Variants in CFAP299 observed in about 807,000 individuals in gnomAD.
CFAP299 encodes cilia and flagella associated protein 299.
CFAP299 carries 21 observed loss-of-function variants against 27.0 expected under a neutral mutation model. The ratio of observed to expected loss-of-function variants is 0.78; its 90% CI spans 0.55 to 1.12. The LOEUF (loss-of-function observed/expected upper bound fraction) is 1.12. Ranked by LOEUF, CFAP299 falls within the 50% of genes most tolerant of loss-of-function variation. The pLI is 0.00. For missense variants in CFAP299, 310 were observed against 276.6 expected, an observed-to-expected ratio of 1.12 and a Z score of -0.86; for synonymous variants, 104 against 98.1, an observed-to-expected ratio of 1.06 and a Z score of -0.36.
At chr4:80,360,079 G>A (rs1194109426) in intron 1 of CFAP299, among the ~76,000 whole-genome samples, 19 of 152,176 alleles carry the variant, frequency 1.2e-4, no homozygotes, top group Admixed American at 1.2e-3. Flanking sequence ...TTCATTTCTG[G>A]GAGATTTTAG....
intron 3 of CFAP299, among the ~76,000 whole-genome samples, chr4:80,643,904 C>T (rs1739850456): frequency 6.6e-6 from 1 of 152,096 alleles, no homozygotes; most frequent in Non-Finnish European, 1.5e-5. Flanking sequence ...TTTTCACAGA[C>T]ATTTACAACA....
chr4:80,424,698 C>CA (rs1727452881), intron 2 of CFAP299, among the ~76,000 whole-genome samples: 1 of 152,140 alleles, frequency 6.6e-6, no homozygotes, highest in Admixed American at 6.5e-5. Flanking sequence ...CATGAAGACA[C>CA]AGTTTCTGGA....
At chr4:80,812,177 G>T (rs139138124) in intron 3 of CFAP299, among the ~76,000 whole-genome samples, 211 of 152,180 alleles carry the variant, frequency 1.4e-3, no homozygotes, top group African/African-American at 4.9e-3. Context: ...ATACTCAGGA[G>T]GATAGGTTGA....
At chr4:80,882,274 G>A (rs943372523) in intron 4 of CFAP299, among the ~76,000 whole-genome samples, 6 of 152,138 alleles carry the variant, frequency 3.9e-5, no homozygotes, top group Non-Finnish European at 8.8e-5. Context: ...CAAATAGGTT[G>A]AATTTAAAGA....
At position 80,583,696 on chromosome 4, in the gene CFAP299, T is replaced by C. The variant is rs1736288182; in HGVS notation, c.333+513T>C. 2.6e-5 allele frequency among the ~76,000 whole-genome samples: 4 copies of C among 152,108 alleles called. No homozygotes were observed. In the South Asian group the frequency reaches 8.3e-4, roughly 32 times the overall value. On this transcript the variant is annotated intron_variant, in intron 3 of 5. Transcript: ENST00000358105. ...TTTTACTTTATTAAAATGTGTGCTA[T>C]ATCAAATATGTAGAGAATGCGAATA...
chr4:80,506,272 T>G (rs973435845), intron 2 of CFAP299, among the ~76,000 whole-genome samples: 1 of 152,134 alleles, frequency 6.6e-6, no homozygotes, highest in Non-Finnish European at 1.5e-5. Flanking sequence ...CAGGACTATT[T>G]GAAACAGATA....
chr4:80,913,788 G>T (rs909567800), intron 4 of CFAP299, among the ~76,000 whole-genome samples: 1 of 152,108 alleles, frequency 6.6e-6, no homozygotes, highest in Non-Finnish European at 1.5e-5. Flanking sequence ...TCTACACACC[G>T]CCACAATTAA....
intron 3 of CFAP299, among the ~76,000 whole-genome samples, chr4:80,794,270 A>G (rs900845874): frequency 6.6e-6 from 1 of 152,174 alleles, no homozygotes. Context: ...TGGTGGCAGC[A>G]TTCCTCCTTC....
chr4:80,937,308 C>CTTTTTTTTTTTTTTTT (rs1736948672), intron 4 of CFAP299, among the ~76,000 whole-genome samples: 8 of 90,782 alleles, frequency 8.8e-5, no homozygotes, highest in East Asian at 3.6e-4. Flanking sequence ...CTTTTTTTTT[C>CTTTTTTTTTTTTTTTT]TTTCTTTTTT....
At chr4:80,828,862 G>T (rs1441528031) in intron 3 of CFAP299, among the ~76,000 whole-genome samples, 1 of 152,038 alleles carries the variant, frequency 6.6e-6, no homozygotes, top group Non-Finnish European at 1.5e-5. Flanking sequence ...AGTGAATGGT[G>T]TTGGGAAAAC....
chr4:80,721,750 G>T (rs548370750), intron 3 of CFAP299, among the ~76,000 whole-genome samples: 1 of 152,060 alleles, frequency 6.6e-6, no homozygotes, highest in South Asian at 2.1e-4. Flanking sequence ...GAGAAACAAG[G>T]TTAAGGCAAA....
At chr4:80,425,859 C>T (rs1003374592) in intron 2 of CFAP299, among the ~76,000 whole-genome samples, 8 of 152,152 alleles carry the variant, frequency 5.3e-5, no homozygotes, top group African/African-American at 2.4e-5. Context: ...TGATTATAGT[C>T]TTGTGTAAAA....
intron 2 of CFAP299, among the ~76,000 whole-genome samples, chr4:80,402,424 G>A (rs1325679308): frequency 1.3e-5 from 2 of 152,134 alleles, no homozygotes; most frequent in Non-Finnish European, 2.9e-5. Flanking sequence ...TAGCGAATAA[G>A]TATCATGAGA....
chr4:80,390,738 T>TATACACAC lies in CFAP299; in HGVS notation c.242+27857_242+27858insCACACATA, dbSNP rs1309748589. Among the ~76,000 whole-genome samples, 4 of 146,158 alleles carry TATACACAC rather than the reference T, an allele frequency of 2.7e-5. 1 individual carries two copies. The highest frequency in any genetic ancestry group is 1.0e-4 in the African/African-American group (4 of 40,134). On this transcript the variant is annotated intron_variant, in intron 2 of 5. Transcript: ENST00000358105. ...ATACACACATACATGTATATATGTA[T>TATACACAC]ATATGTATATATACACACATATGTA...
intron 4 of CFAP299, among the ~76,000 whole-genome samples, chr4:80,941,755 C>A (rs991354173): frequency 3.9e-5 from 6 of 152,116 alleles, no homozygotes; most frequent in Non-Finnish European, 7.3e-5. Context: ...TTGGGGAGGT[C>A]TTAGGGAGCT....
intron 3 of CFAP299, among the ~76,000 whole-genome samples, chr4:80,740,756 C>T (rs1045948534): frequency 6.6e-6 from 1 of 152,208 alleles, no homozygotes; most frequent in Non-Finnish European, 1.5e-5. Context: ...CAAAGTCTTT[C>T]CTGCTCTTCC....
intron 3 of CFAP299, among the ~76,000 whole-genome samples, chr4:80,679,000 G>C (rs1033476385): frequency 6.6e-6 from 1 of 151,984 alleles, no homozygotes; most frequent in African/African-American, 2.4e-5. Flanking sequence ...ATGTAGATTT[G>C]TGTAGCCACC....
chr4:80,776,609 G>C (rs1726557045), intron 3 of CFAP299, among the ~76,000 whole-genome samples: 1 of 151,924 alleles, frequency 6.6e-6, no homozygotes, highest in South Asian at 2.1e-4. Flanking sequence ...AGGGGAGGAA[G>C]AGCATTAGGA....
intron 3 of CFAP299, among the ~76,000 whole-genome samples, chr4:80,794,435 G>T (rs1234802090): frequency 6.6e-6 from 1 of 152,170 alleles, no homozygotes; most frequent in African/African-American, 2.4e-5. Flanking sequence ...GGGAGGAACA[G>T]TATCATGTAT....
Sources: gnomAD v4.1 joint callset for allele counts (sites outside exome capture counted in the v4.1 genomes callset) on GRCh38, gnomAD v4.1.1 for gene constraint, MANE v1.5 for transcripts, NCBI Gene and HGNC (gene_info 2026-07-23, HGNC 2026-07-21) for gene names.